Variants in RELN observed in about 807,000 individuals in gnomAD.
RELN encodes reelin.
Under a neutral mutation model 427.6 loss-of-function variants are expected in RELN, and 108 were observed. The ratio of observed to expected loss-of-function variants is 0.25; its 90% CI spans 0.22 to 0.30. The LOEUF is 0.30. Among genes scored for constraint, RELN ranks in the 10% least tolerant of loss-of-function variants. RELN has a pLI of 1.00. For missense variants in RELN, 3,715 were observed against 4,302.8 expected (o/e 0.86, Z 3.82); for synonymous variants, 1,524 against 1,513.4 (o/e 1.01, Z -0.16).
intron 3 of RELN, among the ~76,000 whole-genome samples, chr7:103,789,476 A>T (rs1006873930): frequency 6.6e-6 from 1 of 152,200 alleles, no homozygotes; most frequent in Non-Finnish European, 1.5e-5. Flanking sequence ...TATACAAGGA[A>T]CTTAAATTTA....
intron 23 of RELN, 95 bp downstream of exon 23, chr7:103,604,251 G>T: frequency 2.8e-6 from 4 of 1,414,984 alleles, no homozygotes; most frequent in South Asian, 1.2e-5. Context: ...TTATTTATCG[G>T]TCTATCCATG....
intron 1 of RELN, among the ~76,000 whole-genome samples, chr7:103,926,624 TAA>T (rs1287194972): frequency 6.5e-5 from 9 of 139,262 alleles, no homozygotes; most frequent in Non-Finnish European, 1.2e-4. Flanking sequence ...TAAAGTATCA[TAA>T]GTTTTTTTTT....
chr7:103,729,185 C>T (rs1038041562), intron 6 of RELN, among the ~76,000 whole-genome samples: 1 of 152,128 alleles, frequency 6.6e-6, no homozygotes, highest in Non-Finnish European at 1.5e-5. Context: ...ATATTTCATG[C>T]AGAAAGAACA....
At chr7:103,839,776 C>T (rs1022970872) in intron 2 of RELN, among the ~76,000 whole-genome samples, 1 of 152,176 alleles carries the variant, frequency 6.6e-6, no homozygotes, top group Admixed American at 6.5e-5. Flanking sequence ...CTTCACAACC[C>T]TATGAAGTAG....
At chr7:103,978,583 G>A (rs941898120) in intron 1 of RELN, among the ~76,000 whole-genome samples, 34 of 152,180 alleles carry the variant, frequency 2.2e-4, no homozygotes, top group African/African-American at 8.0e-4. Context: ...TTGTTCGGAT[G>A]AGCAAAAATC....
At chr7:103,944,719 A>G (rs1402865296) in intron 1 of RELN, among the ~76,000 whole-genome samples, 1 of 152,176 alleles carries the variant, frequency 6.6e-6, no homozygotes, top group African/African-American at 2.4e-5. Flanking sequence ...TTGGCTTCCA[A>G]TGTGGCAAAG....
intron 38 of RELN, among the ~76,000 whole-genome samples, chr7:103,555,337 T>C (rs1280639204): frequency 6.6e-6 from 1 of 152,236 alleles, no homozygotes; most frequent in Non-Finnish European, 1.5e-5. Context: ...CAGGAGCCTG[T>C]AGAACAAACC....
At chr7:103,727,954 T>C (rs1182489859) in intron 7 of RELN, among the ~76,000 whole-genome samples, 157 bp downstream of exon 7, 3 of 152,188 alleles carry the variant, frequency 2.0e-5, no homozygotes, top group African/African-American at 4.8e-5. Context: ...AAATAGGCCA[T>C]AGAATCACCC....
chr7:103,588,122 A>G (rs1381499877), intron 28 of RELN, among the ~76,000 whole-genome samples: 2 of 152,202 alleles, frequency 1.3e-5, no homozygotes, highest in African/African-American at 4.8e-5. Context: ...AATAGCTAAG[A>G]TATGCAATCA....
At position 103,936,723 on chromosome 7, in the gene RELN, C is replaced by G. The variant is rs186768517; in HGVS notation, c.227-19538G>C. On this transcript the variant is annotated intron_variant, in intron 1 of 64. Coordinates refer to ENST00000428762, the MANE Select transcript of RELN (RefSeq NM_005045.4). ...TGGGAAATTCCTACGCACACACACA[C>G]ACAGACAGACAGACAGACAGACACA... Among the ~76,000 whole-genome samples the G allele has an allele frequency of 7.7e-3, 977 of 127,228 alleles. 14 individuals carry two copies. The highest frequency in any genetic ancestry group is 0.028 in the African/African-American group (940 of 33,128). The allele number at this position is 127,228 out of a possible 152,430, so 83.5% of individuals were successfully genotyped here.
At chr7:103,849,642 C>A (rs1416986254) in intron 2 of RELN, among the ~76,000 whole-genome samples, 1 of 152,180 alleles carries the variant, frequency 6.6e-6, no homozygotes, top group Non-Finnish European at 1.5e-5. Flanking sequence ...AAGTACATGT[C>A]TCTCTTTTTG....
chr7:103,558,308 G>A (rs372280816), intron 36 of RELN, among the ~76,000 whole-genome samples: 11 of 152,158 alleles, frequency 7.2e-5, no homozygotes, highest in Admixed American at 2.0e-4. Flanking sequence ...TCTAAAAAGC[G>A]GTGCAAAAAT....
intron 8 of RELN, among the ~76,000 whole-genome samples, chr7:103,712,455 G>T (rs1789829433): frequency 6.6e-6 from 1 of 152,062 alleles, no homozygotes; most frequent in South Asian, 2.1e-4. Context: ...CAGCCATATA[G>T]GTCCATAATC....
At chr7:103,491,055 T>G (rs1828633800) in intron 58 of RELN, among the ~76,000 whole-genome samples, 1 of 152,228 alleles carries the variant, frequency 6.6e-6, no homozygotes, top group African/African-American at 2.4e-5. Context: ...AATAATAGCA[T>G]GCATAGCAAT....
chr7:103,746,901 A>G (rs1790850056), intron 6 of RELN, among the ~76,000 whole-genome samples: 1 of 152,146 alleles, frequency 6.6e-6, no homozygotes, highest in African/African-American at 2.4e-5. Context: ...TGACCCAGCC[A>G]TCCCATTACT....
chr7:103,723,954 G>A (rs146263996), intron 7 of RELN, among the ~76,000 whole-genome samples: 3 of 152,200 alleles, frequency 2.0e-5, no homozygotes, highest in Middle Eastern at 6.8e-3. Context: ...AAAGAAGAAT[G>A]GTGCTTCTTT....
intron 4 of RELN, among the ~76,000 whole-genome samples, chr7:103,767,684 T>C (rs1179859375): frequency 6.6e-6 from 1 of 152,216 alleles, no homozygotes; most frequent in Non-Finnish European, 1.5e-5. Flanking sequence ...TGATATTTTG[T>C]CTATTCTTTG....
chr7:103,567,775 T>G (rs1403266976), intron 31 of RELN, among the ~76,000 whole-genome samples: 2 of 149,386 alleles, frequency 1.3e-5, no homozygotes, highest in Non-Finnish European at 3.0e-5. Flanking sequence ...TATTTTTACT[T>G]TATTATATAT....
At chr7:103,726,265 A>C (rs1460249191) in intron 7 of RELN, among the ~76,000 whole-genome samples, 2 of 152,226 alleles carry the variant, frequency 1.3e-5, no homozygotes, top group African/African-American at 4.8e-5. Flanking sequence ...TATAAAAATT[A>C]TGAAAAATTA....
Sources: gnomAD v4.1 joint callset for allele counts (sites outside exome capture counted in the v4.1 genomes callset) on GRCh38, gnomAD v4.1.1 for gene constraint, MANE v1.5 for transcripts, NCBI Gene and HGNC (gene_info 2026-07-23, HGNC 2026-07-21) for gene names.